Variants in DSG1 observed in about 807,000 individuals in gnomAD.
DSG1 encodes desmoglein 1, also known as desmoglein-1.
In DSG1, 39 loss-of-function variants were observed where a neutral mutation model predicts 97.5. The ratio of observed to expected loss-of-function variants is 0.40; its 90% CI spans 0.31 to 0.52. DSG1 has a LOEUF of 0.52. DSG1 is among the 20% of genes least tolerant of loss of function. The probability of loss-of-function intolerance (pLI) is 0.53; values close to 1 mark genes in which losing one functional copy is unlikely to be tolerated. For missense variants in DSG1, 1,311 were observed against 1,295.4 expected, an observed-to-expected ratio of 1.01 and a Z score of -0.18; for synonymous variants, 475 against 443.4, an observed-to-expected ratio of 1.07 and a Z score of -0.90.
chr18:31,321,818 C>T (rs1451886524), intron 1 of DSG1, among the ~76,000 whole-genome samples: 2 of 152,190 alleles, frequency 1.3e-5, no homozygotes, highest in Non-Finnish European at 2.9e-5. Context: ...TTTCTGGTAA[C>T]TCTTTCTCCA....
At chr18:31,351,708 C>T in intron 14 of DSG1, among the ~76,000 whole-genome samples, 1 of 150,506 alleles carries the variant, frequency 6.6e-6, no homozygotes, top group East Asian at 1.9e-4. Flanking sequence ...GAATTGATCC[C>T]TTTACCATTA....
At chr18:31,333,231 C>T (rs1466603484) in intron 6 of DSG1, among the ~76,000 whole-genome samples, 1 of 152,088 alleles carries the variant, frequency 6.6e-6, no homozygotes, top group African/African-American at 2.4e-5. Flanking sequence ...CTTGCACACT[C>T]GGGGGCTGAT....
At chr18:31,333,961 T>A (rs1159607843) in intron 7 of DSG1, 56 bp from the exon 8 acceptor site, 2 of 1,281,464 alleles carry the variant, frequency 1.6e-6, no homozygotes, top group Non-Finnish European at 2.2e-6. Flanking sequence ...ATAAGCCTAC[T>A]GTAGTTCTCT....
At chr18:31,348,589 T>C (rs1229504648) in intron 14 of DSG1, among the ~76,000 whole-genome samples, 1 of 151,490 alleles carries the variant, frequency 6.6e-6, no homozygotes, top group Non-Finnish European at 1.5e-5. Flanking sequence ...CCACCAACAG[T>C]GTAAAAGTGT....
chr18:31,343,550 A>T lies in DSG1; in HGVS notation c.1788A>T (p.Ser596=). The change falls in exon 12 of 15, where the codon TCA becomes TCT. Residue 596 remains serine, a synonymous_variant. Coordinates refer to ENST00000257192, the MANE Select transcript of DSG1 (RefSeq NM_001942.4). ...VPECSDGAIH[S]WAVEGPQPEP... Reference sequence around the variant, plus strand: ...AATGTTCAGATGGAGCAATTCATTCATGGGCAGTAGAAGGACCACAGCCTG... The same window carrying T: ...AATGTTCAGATGGAGCAATTCATTCTTGGGCAGTAGAAGGACCACAGCCTG... 6.2e-7 allele frequency: 1 copy of T among 1,614,138 alleles called. No homozygotes were observed. The highest frequency in any genetic ancestry group is 8.5e-7 in the Non-Finnish European group (1 of 1,180,012).
chr18:31,334,174 C>A lies in DSG1; in HGVS notation c.977C>A (p.Thr326Lys). Residue 326 changes from threonine to lysine, a missense_variant, in exon 8 of 15, where the codon ACA becomes AAA. Physicochemically the swap from Thr to Lys is moderately conservative, Grantham distance 78. Around this residue, in one of 3 missense-constraint regions of DSG1, gnomAD observed 1,038 missense variants for 964.6 expected, o/e 1.08. Coordinates refer to ENST00000257192, the MANE Select transcript of DSG1 (RefSeq NM_001942.4). ...TTTGAGATAGAAATGAATGAAAGAA[C>A]AAATGTGGGAATTTTAAAGGTTGTT... ...NWFEIEMNER[T>K]NVGILKVVKP... 6.2e-7 allele frequency: 1 copy of A among 1,605,882 alleles called. No individual in the cohort carries two copies. The highest frequency in any genetic ancestry group is 8.5e-7 in the Non-Finnish European group (1 of 1,173,062).
At chr18:31,328,376 A>T (rs1038542694) in intron 4 of DSG1, 32 bp downstream of exon 4, 53 of 1,597,192 alleles carry the variant, frequency 3.3e-5, no homozygotes, top group Non-Finnish European at 4.4e-5. Context: ...ATATATGTTC[A>T]TGCTTAAATT....
At chr18:31,320,869 A>G (rs2071649284) in intron 1 of DSG1, among the ~76,000 whole-genome samples, 1 of 152,200 alleles carries the variant, frequency 6.6e-6, no homozygotes, top group African/African-American at 2.4e-5. Flanking sequence ...AGGGATCTCT[A>G]TGGTTTTAAT....
At chr18:31,318,954 G>A (rs1333026655) in intron 1 of DSG1, among the ~76,000 whole-genome samples, 1 of 152,076 alleles carries the variant, frequency 6.6e-6, no homozygotes, top group Non-Finnish European at 1.5e-5. Context: ...CGGCAGTACA[G>A]GAGGTTTATA....
In DSG1 at chr18:31,343,443, C is replaced by T. The variant is rs1239225749; in HGVS notation, c.1688-7C>T. ...TAACTCTAGTATTACTATCCCTCCA[C>T]CACCAGTGGTCCCATTTTTGATGAT... On this transcript the variant is annotated splice_region_variant and splice_polypyrimidine_tract_variant and intron_variant, in intron 11 of 14. Transcript: ENST00000257192. The T allele has an allele frequency of 1.2e-6, 2 of 1,614,140 alleles. No individual in the cohort carries two copies. Among genetic ancestry groups the T allele is most frequent in the South Asian group, 1.1e-5 (1 of 91,080 alleles).
intron 13 of DSG1, among the ~76,000 whole-genome samples, 180 bp downstream of exon 13, chr18:31,344,175 T>C (rs1043945271): frequency 6.6e-5 from 10 of 152,218 alleles, no homozygotes; most frequent in Admixed American, 3.9e-4. Context: ...ATTATTGTTA[T>C]ATGCTTCATT....
At chr18:31,341,580 T>C (rs1166386744) in intron 11 of DSG1, among the ~76,000 whole-genome samples, 1 of 152,114 alleles carries the variant, frequency 6.6e-6, no homozygotes, top group Non-Finnish European at 1.5e-5. Flanking sequence ...CATTAACAAA[T>C]AAGAGTTTAT....
Position 31,354,351 on chromosome 18 carries a change from C to T in DSG1, c.2155C>T (p.Leu719Phe), listed in dbSNP as rs1198441743. ...DEGRPSNDCL[L>F]IYDIEGVGSP... ...AGGACGCCCATCTAATGACTGTTTG[C>T]TCATATATGACATCGAAGGTGTAGG... The change falls in exon 15 of 15, where the codon CTC (leucine) becomes TTC (phenylalanine). Residue 719 changes from leucine to phenylalanine, a missense_variant. By Grantham distance (22) the Leu-to-Phe change is conservative (BLOSUM62 0). Transcript: ENST00000257192. 2 of 1,614,186 alleles carry T rather than the reference C, an allele frequency of 1.2e-6. No homozygotes were observed. Among genetic ancestry groups the T allele is most frequent in the Admixed American group, 1.7e-5 (1 of 60,024 alleles).
In DSG1 at chr18:31,338,336, A is replaced by T; in HGVS notation, c.1287A>T (p.Pro429=). ...ACAGGTATGTAATGGGAAATAATCCAGCTGACCTGCTAGCTGTTGATTCAA... is the reference window on the plus strand; with the variant it reads ...ACAGGTATGTAATGGGAAATAATCCTGCTGACCTGCTAGCTGTTGATTCAA... ...TTVRYVMGNN[P]ADLLAVDSRT... The change falls in exon 10 of 15, where the codon CCA becomes CCT. Residue 429 remains proline (P), a synonymous_variant. Coordinates refer to ENST00000257192, the MANE Select transcript of DSG1 (RefSeq NM_001942.4). 6.2e-7 allele frequency: 1 copy of T among 1,613,830 alleles called. No homozygotes were observed. Among genetic ancestry groups the T allele is most frequent in the Non-Finnish European group, 8.5e-7 (1 of 1,179,824 alleles).
At position 31,336,277 on chromosome 18, in the gene DSG1, C is replaced by T; in HGVS notation, c.1006-77C>T. 7 of 1,306,768 alleles carry T rather than the reference C, an allele frequency of 5.4e-6. No homozygotes were observed. In the Admixed American group the frequency reaches 8.8e-5, roughly 16 times the overall value. 80.9% of individuals were successfully genotyped at this position (1,306,768 alleles called of 1,614,324 possible). On this transcript the variant is annotated intron_variant, in intron 8 of 14. Transcript: ENST00000257192. ...AAAGAAAGATAATAAGTTTTTTTTG[C>T]TATTATCAAAGGATTTTCTTTCACC...
rs2071948675 is a variant in DSG1, at chr18:31,355,421, G to A, written c.*75G>A. On this transcript the variant is annotated 3_prime_UTR_variant, in exon 15 of 15. Coordinates refer to ENST00000257192, the MANE Select transcript of DSG1 (RefSeq NM_001942.4). ...CCCACCACTAAAAAACCAACAATGT[G>A]ATTTATAACGCACAACTTCGTGCTC... is the stretch of plus-strand genomic sequence containing the variant. The A allele has an allele frequency of 2.1e-6, 3 of 1,427,844 alleles. No individual in the cohort carries two copies. The African/African-American group carries it at 4.2e-5, about 20-fold the overall frequency. 88.4% of individuals were successfully genotyped at this position (1,427,844 alleles called of 1,614,324 possible). A position where few individuals can be genotyped will look rare whatever the true frequency, so the allele number is the denominator to read the frequency against.
At chr18:31,324,190 G>A (rs1448942484) in intron 1 of DSG1, among the ~76,000 whole-genome samples, 2 of 151,184 alleles carry the variant, frequency 1.3e-5, no homozygotes, top group East Asian at 3.9e-4. Context: ...CACCATGTTG[G>A]CCAGGATGTT....
rs1412881153 is a variant in DSG1, at chr18:31,333,664, G to A, written c.760G>A (p.Glu254Lys). 21 of 1,613,690 alleles carry A rather than the reference G, an allele frequency of 1.3e-5. No individual in the cohort carries two copies. The highest frequency in any genetic ancestry group is 4.0e-5 in the African/African-American group (3 of 74,896). Reference sequence around the variant, plus strand: ...GGCAGATGGCATGTCAGCGGAATGTGAGTGCAACATTAAAATCCTCGATGT... The same window carrying A: ...GGCAGATGGCATGTCAGCGGAATGTAAGTGCAACATTAAAATCCTCGATGT... ...GGADGMSAEC[E>K]CNIKILDVND... is the part of the protein sequence containing the mutation. The change falls in exon 7 of 15, where the codon GAG (glutamate) becomes AAG (lysine). Residue 254 changes from glutamate (E) to lysine (K), a missense_variant. Coordinates refer to ENST00000257192, the MANE Select transcript of DSG1 (RefSeq NM_001942.4).
At chr18:31,339,671 AT>A (rs760633979) in intron 10 of DSG1, 72 bp from the exon 11 acceptor site, 2 of 1,195,750 alleles carry the variant, frequency 1.7e-6, no homozygotes, top group Non-Finnish European at 2.4e-6. Flanking sequence ...AATGTAAAAA[AT>A]AATTCTGTGT....
Sources: gnomAD v4.1 joint callset for allele counts (sites outside exome capture counted in the v4.1 genomes callset) on GRCh38, gnomAD v4.1.1 for gene constraint, gnomAD v4.1.1 regional missense constraint, MANE v1.5 for transcripts, NCBI Gene and HGNC (gene_info 2026-07-23, HGNC 2026-07-21) for gene names.